ZDHHC9: variants seen among roughly 807,000 people sequenced by gnomAD.
ZDHHC9 encodes the protein palmitoyltransferase ZDHHC9.
ZDHHC9 carries 3 observed loss-of-function variants against 26.6 expected under a neutral mutation model. The observed-to-expected ratio is 0.11, with a 90% confidence interval of 0.05 to 0.29. ZDHHC9 has a LOEUF of 0.29. ZDHHC9 is among the 10% of genes least tolerant of loss of function. The pLI is 1.00. For synonymous variants in ZDHHC9, 111 were observed against 109.4 expected (o/e 1.01, Z -0.09); for missense variants, 146 against 296.4 (o/e 0.49, Z 3.73).
At chrX:129,809,679 A>G (rs1927591791) in intron 10 of ZDHHC9, among the ~76,000 whole-genome samples, 1 of 111,889 alleles carries the variant, frequency 8.9e-6, no homozygotes, top group South Asian at 3.7e-4. Context: ...CTCTGTGAAT[A>G]TTCTAGACCA....
intron 5 of ZDHHC9, among the ~76,000 whole-genome samples, chrX:129,819,046 G>A (rs1353942918): frequency 9.2e-6 from 1 of 108,399 alleles, no homozygotes; most frequent in Non-Finnish European, 1.9e-5. Flanking sequence ...GGTGGCGGGA[G>A]CCTGTAGTCC....
intron 3 of ZDHHC9, among the ~76,000 whole-genome samples, chrX:129,830,912 G>C (rs953848166): frequency 9.0e-6 from 1 of 111,567 alleles, no homozygotes; most frequent in Non-Finnish European, 1.9e-5. Context: ...GAACCTGAAG[G>C]ATGATTTTCG....
At chrX:129,807,632 C>T (rs1927551494) in intron 10 of ZDHHC9, among the ~76,000 whole-genome samples, 1 of 110,439 alleles carries the variant, frequency 9.1e-6, no homozygotes, top group Non-Finnish European at 1.9e-5. Flanking sequence ...CCAGCCTGGC[C>T]AACATGGCAA....
intron 3 of ZDHHC9, among the ~76,000 whole-genome samples, chrX:129,838,758 T>C (rs1386946093): frequency 8.9e-6 from 1 of 112,416 alleles, no homozygotes; most frequent in Non-Finnish European, 1.9e-5. Context: ...GACAACTTTT[T>C]TTGTTTTATG....
intron 3 of ZDHHC9, among the ~76,000 whole-genome samples, chrX:129,835,446 CAAAAA>C (rs59940283): frequency 3.7e-5 from 2 of 54,230 alleles, no homozygotes; most frequent in Admixed American, 2.4e-4. Flanking sequence ...GACCCTATCT[CAAAAA>C]AAAAAAAAAA....
intron 3 of ZDHHC9, among the ~76,000 whole-genome samples, chrX:129,835,149 A>G (rs1056797350): frequency 8.9e-6 from 1 of 112,598 alleles, no homozygotes; most frequent in African/African-American, 3.2e-5. Flanking sequence ...ACAGAACCAT[A>G]AAGAATTATT....
chrX:129,839,589 G>A (rs1319410162), intron 3 of ZDHHC9, among the ~76,000 whole-genome samples: 1 of 109,131 alleles, frequency 9.2e-6, no homozygotes, highest in Admixed American at 9.7e-5. Context: ...AATTATAGAT[G>A]CCAAAGAAAA....
chrX:129,828,394 G>C (rs750347101), intron 4 of ZDHHC9, among the ~76,000 whole-genome samples: 1 of 109,792 alleles, frequency 9.1e-6, no homozygotes, highest in Non-Finnish European at 1.9e-5. Context: ...AGATCAAGGC[G>C]GGCGGATCAC....
At chrX:129,813,865 G>T in intron 6 of ZDHHC9, 140 bp from the exon 7 acceptor site, 1 of 550,575 alleles carries the variant, frequency 1.8e-6, no homozygotes, top group Non-Finnish European at 3.0e-6. Context: ...CTCGGGCAAG[G>T]GTGAAGAGCC....
intron 7 of ZDHHC9, 29 bp downstream of exon 7, chrX:129,813,648 C>CA (rs764805784): frequency 2.5e-6 from 3 of 1,201,323 alleles, no homozygotes; most frequent in African/African-American, 3.5e-5. Flanking sequence ...AAGAAGGCTT[C>CA]ACAGGGACAT....
chrX:129,829,664 TC>T (rs934470494), intron 3 of ZDHHC9, among the ~76,000 whole-genome samples: 3 of 111,974 alleles, frequency 2.7e-5, no homozygotes, highest in Non-Finnish European at 5.6e-5. Context: ...GTGAAAACCT[TC>T]AGGGCTGTTG....
chrX:129,820,425 CAA>C (rs72086397), intron 5 of ZDHHC9, among the ~76,000 whole-genome samples: 5,539 of 64,794 alleles, frequency 0.085, 453 homozygotes, highest in African/African-American at 0.23. Flanking sequence ...ACAAAAAATA[CAA>C]AAAAAAAAAA....
chrX:129,824,739 T>G lies in ZDHHC9; in HGVS notation c.329-902A>C, dbSNP rs143539828. 3.9e-3 allele frequency among the ~76,000 whole-genome samples: 433 copies of G among 112,281 alleles called. 3 individuals carry two copies. Among genetic ancestry groups the G allele is most frequent in the African/African-American group, 0.014 (419 of 30,925 alleles). ...TAATAGTGAAAAACTAAAAATAACT[T>G]CAATGTCACAATAGAAGGGTGGTTA... On this transcript the variant is annotated intron_variant, in intron 4 of 10. Transcript: ENST00000357166.
Position 129,811,007 on chromosome X carries a change from GGA to G in ZDHHC9, c.882-8_882-7del. The G allele has an allele frequency of 8.3e-7, 1 of 1,203,893 alleles. No individual in the cohort carries two copies. On this transcript the variant is annotated splice_polypyrimidine_tract_variant and splice_region_variant and intron_variant, in intron 9 of 10. Coordinates refer to ENST00000357166, the MANE Select transcript of ZDHHC9 (RefSeq NM_016032.4). ...TACCCCTTCGATCCAGCACACTGAA[GGA>G]GATAAGAGAGTTAACAAAGAACTGG...
chrX:129,811,047 C>T, intron 9 of ZDHHC9, 46 bp from the exon 10 acceptor site: 1 of 1,102,732 alleles, frequency 9.1e-7, no homozygotes, highest in Non-Finnish European at 1.3e-6. Context: ...ATTCACCCCT[C>T]CACCCACCTG....
chrX:129,808,989 G>A (rs1009829706), intron 10 of ZDHHC9, among the ~76,000 whole-genome samples: 1 of 112,194 alleles, frequency 8.9e-6, no homozygotes, highest in Admixed American at 9.5e-5. Flanking sequence ...TTAGTCATCA[G>A]GGAAATGCAA....
Position 129,808,418 on chromosome X carries a change from A to G in ZDHHC9, c.979-1932T>C, listed in dbSNP as rs925676465. Among the ~76,000 whole-genome samples the G allele has an allele frequency of 4.4e-5, 5 of 112,417 alleles. No homozygotes were observed. In the East Asian group the frequency reaches 1.4e-3, roughly 31 times the overall value. ...TGAAAGTCCAGAAATGAACTCTCAC[A>G]TTTATAGATTTTCAACAAGGGTGCC... On this transcript the variant is annotated intron_variant, in intron 10 of 10. Transcript: ENST00000357166.
At chrX:129,813,890 G>C (rs897253799) in intron 6 of ZDHHC9, among the ~76,000 whole-genome samples, 165 bp from the exon 7 acceptor site, 1 of 112,402 alleles carries the variant, frequency 8.9e-6, no homozygotes, top group Middle Eastern at 4.6e-3. Flanking sequence ...CTCCTAGCTG[G>C]TAGTCTCATG....
chrX:129,806,329 G>T lies in ZDHHC9; in HGVS notation c.*41C>A. The T allele has an allele frequency of 9.2e-7, 1 of 1,089,556 alleles. No homozygotes were observed. The highest frequency in any genetic ancestry group is 1.3e-6 in the Non-Finnish European group (1 of 784,335). The allele number at this position is 1,089,556 out of a possible 1,213,427, so 89.8% of individuals were successfully genotyped here. A position where few individuals can be genotyped will look rare whatever the true frequency, so the allele number is the denominator to read the frequency against. On this transcript the variant is annotated 3_prime_UTR_variant, in exon 11 of 11. Coordinates refer to ENST00000357166, the MANE Select transcript of ZDHHC9 (RefSeq NM_016032.4). ...AACTTCTCACCTGAAATCTCTCATA[G>T]CCCTAATTAAACACAAACAAAAGTC...
Sources: gnomAD v4.1 joint callset for allele counts (sites outside exome capture counted in the v4.1 genomes callset) on GRCh38, gnomAD v4.1.1 for gene constraint, MANE v1.5 for transcripts, NCBI Gene and HGNC (gene_info 2026-07-23, HGNC 2026-07-21) for gene names.